The following DOK6 variants were observed in gnomAD, a reference collection of about 807,000 sequenced individuals.
The protein encoded by DOK6 is docking protein 6.
In DOK6, 22 loss-of-function variants were observed where a neutral mutation model predicts 44.0. The observed-to-expected ratio is 0.50, with a 90% CI of 0.36 to 0.71. DOK6 has a LOEUF of 0.71. Among genes scored for constraint, DOK6 ranks in the 30% least tolerant of loss-of-function variants. DOK6 has a pLI of 0.00. For missense variants in DOK6, 340 were observed against 416.4 expected, an observed-to-expected ratio of 0.82 and a Z score of 1.60; for synonymous variants, 166 against 145.5, an observed-to-expected ratio of 1.14 and a Z score of -1.01.
At chr18:69,434,741 G>A (rs981102529) in intron 1 of DOK6, among the ~76,000 whole-genome samples, 2 of 148,932 alleles carry the variant, frequency 1.3e-5, no homozygotes, top group African/African-American at 5.0e-5. Context: ...GGCCGACATG[G>A]TGAAACCCTG....
intron 5 of DOK6, among the ~76,000 whole-genome samples, chr18:69,735,365 A>G (rs953274880): frequency 6.6e-5 from 10 of 152,372 alleles, no homozygotes; most frequent in Middle Eastern, 3.4e-3. Flanking sequence ...ATACTCCTCT[A>G]GAAGACTCAC....
intron 1 of DOK6, among the ~76,000 whole-genome samples, chr18:69,526,662 T>C (rs1405839182): frequency 6.6e-6 from 1 of 152,190 alleles, no homozygotes; most frequent in African/African-American, 2.4e-5. Flanking sequence ...TTCTTAGTGA[T>C]TTCTAATTTC....
In DOK6 at chr18:69,677,388, A is replaced by G. The variant is rs1235245403; in HGVS notation, c.290-346A>G. On this transcript the variant is annotated intron_variant, in intron 3 of 7. Transcript: ENST00000382713. ...TGTGTGTGTATATATATATATATGT[A>G]TATAAAATGTAAAGCATGATGGCTA... Among the ~76,000 whole-genome samples, 94 of 149,872 alleles carry G rather than the reference A, an allele frequency of 6.3e-4. 2 individuals carry two copies. Among genetic ancestry groups the G allele is most frequent in the Admixed American group, 6.2e-3 (93 of 14,884 alleles).
chr18:69,750,677 C>G (rs570290905), intron 6 of DOK6, among the ~76,000 whole-genome samples: 1 of 152,262 alleles, frequency 6.6e-6, no homozygotes, highest in African/African-American at 2.4e-5. Context: ...ATGAAGGTTC[C>G]TCAAACATTT....
At chr18:69,443,977 A>G (rs1240538658) in intron 1 of DOK6, among the ~76,000 whole-genome samples, 2 of 152,094 alleles carry the variant, frequency 1.3e-5, no homozygotes, top group Non-Finnish European at 2.9e-5. Flanking sequence ...ATATATATAT[A>G]CACACACAAT....
At chr18:69,552,513 T>A (rs1313058803) in intron 1 of DOK6, among the ~76,000 whole-genome samples, 1 of 152,182 alleles carries the variant, frequency 6.6e-6, no homozygotes, top group South Asian at 2.1e-4. Context: ...TAAGTTACCA[T>A]TAAAATGATA....
chr18:69,582,533 C>G (rs1983395913), intron 2 of DOK6, among the ~76,000 whole-genome samples: 1 of 152,080 alleles, frequency 6.6e-6, no homozygotes, highest in South Asian at 2.1e-4. Context: ...TTCCTTCCTT[C>G]CTTCCATCTT....
chr18:69,779,682 T>C (rs1790935), intron 7 of DOK6, among the ~76,000 whole-genome samples: 146,290 of 151,870 alleles, frequency 0.96, 70,694 homozygotes, highest in East Asian at 1. Flanking sequence ...GAGAGGTCTC[T>C]CTGCCCCGTG....
intron 1 of DOK6, among the ~76,000 whole-genome samples, chr18:69,544,383 A>G (rs1476936459): frequency 6.6e-6 from 1 of 151,770 alleles, no homozygotes; most frequent in Non-Finnish European, 1.5e-5. Flanking sequence ...CACAAGGAAT[A>G]AAAGGTAATG....
intron 7 of DOK6, among the ~76,000 whole-genome samples, chr18:69,768,435 A>C (rs1356673222): frequency 2.0e-5 from 3 of 151,772 alleles, no homozygotes; most frequent in Admixed American, 2.0e-4. Flanking sequence ...CAAATTGTAA[A>C]CTACAAAGAA....
intron 3 of DOK6, among the ~76,000 whole-genome samples, chr18:69,673,727 A>G (rs1985859842): frequency 6.6e-6 from 1 of 152,260 alleles, no homozygotes; most frequent in Non-Finnish European, 1.5e-5. Context: ...ATATAATGAA[A>G]ACATTATTTG....
At chr18:69,519,943 T>G (rs1981640043) in intron 1 of DOK6, among the ~76,000 whole-genome samples, 1 of 151,880 alleles carries the variant, frequency 6.6e-6, no homozygotes. Context: ...TAAAATGAAA[T>G]GTTATTGTTC....
At chr18:69,497,132 C>T (rs958136708) in intron 1 of DOK6, among the ~76,000 whole-genome samples, 7 of 152,008 alleles carry the variant, frequency 4.6e-5, no homozygotes, top group African/African-American at 1.7e-4. Context: ...ACAGTAAGTA[C>T]AAAAAAATGC....
chr18:69,776,460 A>G (rs1980069314), intron 7 of DOK6, among the ~76,000 whole-genome samples: 1 of 152,116 alleles, frequency 6.6e-6, no homozygotes, highest in African/African-American at 2.4e-5. Context: ...GAACTACACG[A>G]TAATGAAAAC....
At chr18:69,464,409 C>T (rs911347065) in intron 1 of DOK6, among the ~76,000 whole-genome samples, 5 of 152,238 alleles carry the variant, frequency 3.3e-5, no homozygotes, top group South Asian at 2.1e-4. Flanking sequence ...TGGCCTATTC[C>T]GAATGTTCTT....
intron 2 of DOK6, among the ~76,000 whole-genome samples, chr18:69,577,083 G>A (rs1983256838): frequency 6.6e-6 from 1 of 152,036 alleles, no homozygotes; most frequent in African/African-American, 2.4e-5. Flanking sequence ...TATTCTCTTT[G>A]TTTGGCCTTG....
At position 69,842,679 on chromosome 18, in the gene DOK6, C is replaced by A. The variant is rs935809582; in HGVS notation, c.*1296C>A. 3.9e-5 allele frequency: 6 copies of A among 152,138 alleles called. No individual in the cohort carries two copies. The highest frequency in any genetic ancestry group is 1.3e-4 in the Admixed American group (2 of 15,274). 9.4% of individuals were successfully genotyped at this position (152,138 alleles called of 1,614,324 possible). A position where few individuals can be genotyped will look rare whatever the true frequency, so the allele number is the denominator to read the frequency against. On this transcript the variant is annotated 3_prime_UTR_variant, in exon 8 of 8. Transcript: ENST00000382713. ...ATCCCTGACACTGATTACAAACCTA[C>A]AGTGTTTAAAGGGAGGTAGTGAATT...
intron 1 of DOK6, among the ~76,000 whole-genome samples, chr18:69,413,842 T>A (rs561599333): frequency 6.6e-6 from 1 of 151,860 alleles, no homozygotes; most frequent in Non-Finnish European, 1.5e-5. Flanking sequence ...TTAAGGACTA[T>A]ACATCTCTGA....
chr18:69,828,884 G>GTGTA (rs1555673465), intron 7 of DOK6, among the ~76,000 whole-genome samples: 1 of 90,214 alleles, frequency 1.1e-5, no homozygotes, highest in Non-Finnish European at 2.5e-5. Context: ...ACATTTATGT[G>GTGTA]TATATATATA....
Sources: allele counts gnomAD v4.1 joint callset (sites outside exome capture counted in the v4.1 genomes callset), GRCh38; gene constraint gnomAD v4.1.1; transcripts MANE v1.5; gene names NCBI Gene and HGNC (gene_info 2026-07-23, HGNC 2026-07-21).